Variants in THBS3 observed in about 807,000 individuals in gnomAD.
THBS3 encodes thrombospondin-3.
THBS3 carries 78 observed loss-of-function variants against 118.3 expected under a neutral mutation model. The ratio of observed to expected loss-of-function variants is 0.66; its 90% CI spans 0.55 to 0.80. The LOEUF is 0.80. Ranked by LOEUF, THBS3 falls within the 30% of genes least tolerant of loss-of-function variation. THBS3 has a pLI of 0.00. For missense variants in THBS3, 1,057 were observed against 1,247.4 expected (o/e 0.85, Z 2.30); for synonymous variants, 427 against 475.3 (o/e 0.90, Z 1.32).
chr1:155,197,895 GGTCACT>G lies in THBS3; in HGVS notation c.2281_2286del (p.Ser761_Asp762del), dbSNP rs778592737. On this transcript the variant is annotated inframe_deletion, in exon 19 of 23. Coordinates refer to ENST00000368378, the MANE Select transcript of THBS3 (RefSeq NM_007112.5). This position sits in a 1 kb window ranked among gnomAD's most constrained non-coding sequence, Gnocchi z 5.0. ...CCTTACATACCAACTGCCAAGCCAGGGTCACTGTTCATGGTCTGAACGATTTCCATG... is the reference window on the plus strand; with the variant it reads ...CCTTACATACCAACTGCCAAGCCAGGGTTCATGGTCTGAACGATTTCCATG... 1 of 1,614,012 alleles carries G rather than the reference GGTCACT, an allele frequency of 6.2e-7. No individual in the cohort carries two copies. Among genetic ancestry groups the G allele is most frequent in the Non-Finnish European group, 8.5e-7 (1 of 1,180,012 alleles).
chr1:155,197,478 G>A lies in THBS3; in HGVS notation c.2484C>T (p.Pro828=), dbSNP rs41302117. The change falls in exon 20 of 23, where the codon CCC becomes CCT. Residue 828 remains proline (P), a synonymous_variant. Transcript: ENST00000368378. This position sits in a 1 kb window ranked among gnomAD's most constrained non-coding sequence, Gnocchi z 5.0. ...AGCTGGGGACCTTGAGCTGCAGCCCGGGCTGGGCAACCGCCCGGAAGGGTG... is the reference window on the plus strand; with the variant it reads ...AGCTGGGGACCTTGAGCTGCAGCCCAGGCTGGGCAACCGCCCGGAAGGGTG... ...QATPFRAVAQ[P]GLQLKAVTSV... is the part of the protein sequence containing the mutation. 2.8e-4 allele frequency: 456 copies of A among 1,613,188 alleles called. No individual in the cohort carries two copies. Among genetic ancestry groups the A allele is most frequent in the Admixed American group, 1.0e-3 (62 of 60,020 alleles).
intron 4 of THBS3, 29 bp from the exon 5 acceptor site, chr1:155,203,568 G>T: frequency 6.2e-7 from 1 of 1,612,972 alleles, no homozygotes; most frequent in Non-Finnish European, 8.5e-7. Flanking sequence ...CATAGTCAGA[G>T]GGGTGAGGTG....
chr1:155,198,627 T>A (rs747497353), intron 16 of THBS3, 25 bp from the exon 17 acceptor site: 1 of 1,603,976 alleles, frequency 6.2e-7, no homozygotes, highest in South Asian at 1.1e-5. Context: ...AGGTACCAAA[T>A]AAAGGATTTA....
Position 155,201,182 on chromosome 1 carries a change from T to A in THBS3, c.1352A>T (p.Asn451Ile). The A allele has an allele frequency of 6.2e-7, 1 of 1,614,088 alleles. No homozygotes were observed. The highest frequency in any genetic ancestry group is 8.5e-7 in the Non-Finnish European group (1 of 1,180,018). ...SCQCNVGWAG[N>I]GNVCGTDTDI... ...TGTGTCAGTCCCACACACGTTCCCATTCCCAGCCCAGCCCACGTTACACTA... is the reference window on the plus strand; with the variant it reads ...TGTGTCAGTCCCACACACGTTCCCAATCCCAGCCCAGCCCACGTTACACTA... Residue 451 changes from asparagine (N) to isoleucine (I), a missense_variant, in exon 12 of 23, where the codon AAT (asparagine) becomes ATT (isoleucine). By Grantham distance (149) the Asn-to-Ile change is moderately radical (BLOSUM62 -3). Transcript: ENST00000368378.
At chr1:155,200,207 G>C in intron 14 of THBS3, 94 bp from the exon 15 acceptor site, 1 of 1,199,952 alleles carries the variant, frequency 8.3e-7, no homozygotes. Context: ...TCCCCACCCA[G>C]AGGACAACTG....
chr1:155,202,901 T>G lies in THBS3; in HGVS notation c.868A>C (p.Met290Leu). The change falls in exon 8 of 23, where the codon ATG (methionine) becomes CTG (leucine). Residue 290 changes from methionine (M) to leucine (L), a missense_variant. By Grantham distance (15) the Met-to-Leu change is conservative. Coordinates refer to ENST00000368378, the MANE Select transcript of THBS3 (RefSeq NM_007112.5). The surrounding 1 kb of genome is among the most constrained non-coding windows in gnomAD (Gnocchi z 5.5). The part of the protein sequence containing the change: ...PNPCFRGVDC[M>L]EVYEYPGYRC... ...TAGCCTGGGTACTCGTACACTTCCA[T>G]GCAGTCCACACCTCGGAAGCAGGGA... The G allele has an allele frequency of 6.2e-7, 1 of 1,613,874 alleles. No homozygotes were observed. The highest frequency in any genetic ancestry group is 1.1e-5 in the South Asian group (1 of 91,086).
chr1:155,205,998 C>T (rs1670491118), intron 2 of THBS3, among the ~76,000 whole-genome samples: 1 of 152,192 alleles, frequency 6.6e-6, no homozygotes, highest in African/African-American at 2.4e-5. Context: ...GGACTCAAGC[C>T]TCACCCTATT....
Position 155,195,810 on chromosome 1 carries a change from A to G in THBS3, c.*31T>C, listed in dbSNP as rs755795398. ...GGACCCCAAGGCCAAAGGGTCTAAAATTCTGAATTCTGAATCTGGTGGCCT... is the reference window on the plus strand; with the variant it reads ...GGACCCCAAGGCCAAAGGGTCTAAAGTTCTGAATTCTGAATCTGGTGGCCT... On this transcript the variant is annotated 3_prime_UTR_variant, in exon 23 of 23. Coordinates refer to ENST00000368378, the MANE Select transcript of THBS3 (RefSeq NM_007112.5). 57 of 1,611,894 alleles carry G rather than the reference A, an allele frequency of 3.5e-5. No homozygotes were observed. Among genetic ancestry groups the G allele is most frequent in the Non-Finnish European group, 4.8e-5 (57 of 1,179,872 alleles).
Position 155,197,337 on chromosome 1 carries a change from G to GCCTCA in THBS3, c.2499+125_2500-124insTGAGG. ...CATGAAAATGCCCTGGGGCCCCAGA[G>GCCTCA]AGCCGGCCTCCAAGCCAGATGTCTG... On this transcript the variant is annotated intron_variant, in intron 20 of 22. Coordinates refer to ENST00000368378, the MANE Select transcript of THBS3 (RefSeq NM_007112.5). The surrounding 1 kb of genome is among the most constrained non-coding windows in gnomAD (Gnocchi z 5.0). The GCCTCA allele has an allele frequency of 6.6e-7, 1 of 1,523,392 alleles. No individual in the cohort carries two copies. Among genetic ancestry groups the GCCTCA allele is most frequent in the Non-Finnish European group, 8.9e-7 (1 of 1,121,444 alleles). 94.4% of individuals were successfully genotyped at this position (1,523,392 alleles called of 1,614,324 possible).
chr1:155,196,216 G>T, intron 21 of THBS3, 90 bp from the exon 22 acceptor site: 1 of 1,481,428 alleles, frequency 6.8e-7, no homozygotes, highest in South Asian at 1.2e-5. Flanking sequence ...CTTTTCCCCA[G>T]CCCCCCTTGA....
At position 155,201,079 on chromosome 1, in the gene THBS3, G is replaced by A. The variant is rs760271918; in HGVS notation, c.1440+15C>T. The stretch of plus-strand genomic sequence containing the variant: ...GGCTCCCCACTACGCCCCCTTGCCC[G>A]CCTGCTCCCTGCACCTGTTTGCAGT... On this transcript the variant is annotated intron_variant, in intron 12 of 22. Transcript: ENST00000368378. 5.6e-6 allele frequency: 9 copies of A among 1,613,996 alleles called. No individual in the cohort carries two copies. The highest frequency in any genetic ancestry group is 3.3e-5 in the Admixed American group (2 of 59,996).
chr1:155,197,676 A>T lies in THBS3; in HGVS notation c.2303-17T>A. On this transcript the variant is annotated splice_polypyrimidine_tract_variant and intron_variant, in intron 19 of 22. Transcript: ENST00000368378. This position sits in a 1 kb window ranked among gnomAD's most constrained non-coding sequence, Gnocchi z 5.0. ...CCGTGTATCCTGGGGTGGGGGTGGG[A>T]TAAAGGTCAGGGGCAGCAAAGCTAC... The T allele has an allele frequency of 6.3e-7, 1 of 1,588,592 alleles. No homozygotes were observed. The highest frequency in any genetic ancestry group is 8.6e-7 in the Non-Finnish European group (1 of 1,157,612).
chr1:155,209,038 C>T, upstream of THBS3: 1 of 1,557,222 alleles, frequency 6.4e-7, no homozygotes, highest in Non-Finnish European at 8.7e-7. Context: ...ACGTGGGCCA[C>T]CTCTGGATGG....
chr1:155,200,055 CCTGT>C lies in THBS3; in HGVS notation c.1763_1766del (p.Asp588GlyfsTer16). 6.2e-7 allele frequency: 1 copy of C among 1,603,084 alleles called. No homozygotes were observed. Among genetic ancestry groups the C allele is most frequent in the South Asian group, 1.1e-5 (1 of 89,398 alleles). ...AAGCATCTCCCACCCCGTCCTCATC[CCTGT>C]CTGTCTGTAGTGGGTTGGGGACTTT... is the stretch of plus-strand genomic sequence containing the variant. On this transcript the variant is annotated frameshift_variant, in exon 15 of 23. Transcript: ENST00000368378. LOFTEE classifies it high-confidence loss of function.
upstream of THBS3, chr1:155,208,112 G>T: frequency 1.8e-6 from 1 of 569,374 alleles, no homozygotes; most frequent in Admixed American, 3.2e-5. Context: ...TCTCCCTAAT[G>T]ATCCTCCCCC....
Position 155,197,277 on chromosome 1 carries a change from C to A in THBS3, c.2500-64G>T. The A allele has an allele frequency of 6.3e-7, 1 of 1,586,996 alleles. No individual in the cohort carries two copies. Among genetic ancestry groups the A allele is most frequent in the South Asian group, 1.1e-5 (1 of 89,248 alleles). On this transcript the variant is annotated intron_variant, in intron 20 of 22. Transcript: ENST00000368378. This position sits in a 1 kb window ranked among gnomAD's most constrained non-coding sequence, Gnocchi z 5.0. Reference sequence around the variant, plus strand: ...ACTGGAGTGAGGGGAGACAACAGGTCGGTAAGTGCAGGTGGGAAAGGGATT... The same window carrying A: ...ACTGGAGTGAGGGGAGACAACAGGTAGGTAAGTGCAGGTGGGAAAGGGATT...
At chr1:155,208,897 C>G, upstream of THBS3, 1 of 1,611,584 alleles carries the variant, frequency 6.2e-7, no homozygotes, top group Non-Finnish European at 8.5e-7. Context: ...TTGGCAAGAG[C>G]CCCCAGACCT....
At position 155,206,360 on chromosome 1, in the gene THBS3, C is replaced by G. The variant is rs201765748; in HGVS notation, c.126G>C (p.Val42=). 19 of 1,614,160 alleles carry G rather than the reference C, an allele frequency of 1.2e-5. No individual in the cohort carries two copies. The East Asian group carries it at 4.0e-4, about 34-fold the overall frequency. The change falls in exon 2 of 23, where the codon GTG becomes GTC. Residue 42 remains valine, a synonymous_variant. Coordinates refer to ENST00000368378, the MANE Select transcript of THBS3 (RefSeq NM_007112.5). The surrounding 1 kb of genome is among the most constrained non-coding windows in gnomAD (Gnocchi z 4.2). The part of the protein sequence containing the change: ...TVGESRQMVA[V]AEKIRTALLT... ...GCAAGGCTGTCCGGATCTTCTCTGC[C>G]ACAGCTACCATCTGCCGAGACTCGC...
chr1:155,200,185 C>T, intron 14 of THBS3, 72 bp from the exon 15 acceptor site: 1 of 1,386,842 alleles, frequency 7.2e-7, no homozygotes, highest in South Asian at 1.4e-5. Flanking sequence ...GGTGAAAGTC[C>T]CGAACTTTGT....
Sources: allele counts gnomAD v4.1 joint callset (sites outside exome capture counted in the v4.1 genomes callset), GRCh38; gene constraint gnomAD v4.1.1; non-coding constraint Gnocchi (gnomAD v3.1); transcripts MANE v1.5; gene names NCBI Gene and HGNC (gene_info 2026-07-23, HGNC 2026-07-21).